Variants in PPP1R13B observed in about 807,000 individuals in gnomAD.
The protein encoded by PPP1R13B is apoptosis-stimulating of p53 protein 1.
PPP1R13B carries 44 observed loss-of-function variants against 119.8 expected under a neutral mutation model. That is an observed-to-expected ratio of 0.37 (90% CI 0.29 to 0.47). The LOEUF is 0.47. Among genes scored for constraint, PPP1R13B ranks in the 20% least tolerant of loss-of-function variants. PPP1R13B has a pLI of 0.99. For synonymous variants in PPP1R13B, 542 were observed against 561.5 expected (o/e 0.97, Z 0.49); for missense variants, 1,227 against 1,413.5 (o/e 0.87, Z 2.12).
chr14:103,809,657 C>T (rs1332466122), intron 1 of PPP1R13B, among the ~76,000 whole-genome samples: 1 of 151,802 alleles, frequency 6.6e-6, no homozygotes, highest in Non-Finnish European at 1.5e-5. Context: ...CCTATCTCTA[C>T]AAAAAGCACA....
chr14:103,846,880 C>T (rs1202918916), intron 1 of PPP1R13B: 5 of 622,624 alleles, frequency 8.0e-6, no homozygotes, highest in African/African-American at 1.9e-5. Flanking sequence ...AATGCGCCTG[C>T]AGAGTGTGGG....
chr14:103,754,439 G>A (rs1216906854), intron 5 of PPP1R13B, among the ~76,000 whole-genome samples, 195 bp from the exon 6 acceptor site: 4 of 151,542 alleles, frequency 2.6e-5, no homozygotes, highest in African/African-American at 9.7e-5. Flanking sequence ...GTGTGCGCCT[G>A]TAGTCCCAGC....
intron 1 of PPP1R13B, among the ~76,000 whole-genome samples, chr14:103,838,736 T>G (rs576227237): frequency 6.6e-6 from 1 of 152,190 alleles, no homozygotes; most frequent in African/African-American, 2.4e-5. Context: ...ATTTACTACA[T>G]GCCAGGCAAC....
intron 2 of PPP1R13B, among the ~76,000 whole-genome samples, chr14:103,791,353 A>C (rs1478066512): frequency 2.6e-5 from 4 of 152,176 alleles, no homozygotes; most frequent in African/African-American, 9.6e-5. Flanking sequence ...TTGAAAATGA[A>C]ATCTGTCTGT....
intron 1 of PPP1R13B, among the ~76,000 whole-genome samples, chr14:103,812,145 T>C (rs1216598902): frequency 1.4e-5 from 2 of 148,092 alleles, no homozygotes; most frequent in East Asian, 2.0e-4. Context: ...TTTTTTTTTT[T>C]TCTAGACAGT....
chr14:103,748,202 T>C (rs1273451873), intron 8 of PPP1R13B, among the ~76,000 whole-genome samples: 2 of 152,196 alleles, frequency 1.3e-5, no homozygotes, highest in African/African-American at 2.4e-5. Flanking sequence ...ACAGGGAAAG[T>C]GCTTGCAGCC....
intron 2 of PPP1R13B, 100 bp downstream of exon 2, chr14:103,797,271 C>T: frequency 8.1e-7 from 1 of 1,238,520 alleles, no homozygotes; most frequent in African/African-American, 1.5e-5. Flanking sequence ...CTTTTTTTCC[C>T]CATCTTTATC....
In PPP1R13B at chr14:103,753,119, G is replaced by C; in HGVS notation, c.709C>G (p.Gln237Glu). Residue 237 changes from glutamine to glutamate, a missense_variant, in exon 7 of 17, where the codon CAG becomes GAG. Gln to Glu is a conservative substitution (Grantham distance 29). Transcript: ENST00000202556. ...EVQTAILRVD[Q>E]LSQQLEDLKK... ...AAATCTTCCAATTGCTGACTAAGCTGATCAACCCTTAAAATTGCAGTCTGT... is the reference window on the plus strand; with the variant it reads ...AAATCTTCCAATTGCTGACTAAGCTCATCAACCCTTAAAATTGCAGTCTGT... 1 of 1,613,838 alleles carries C rather than the reference G, an allele frequency of 6.2e-7. No individual in the cohort carries two copies. The highest frequency in any genetic ancestry group is 8.5e-7 in the Non-Finnish European group (1 of 1,180,036).
Position 103,808,936 on chromosome 14 carries a change from C to T in PPP1R13B, c.10-11418G>A, listed in dbSNP as rs61145742. ...CAGGCTGAGCGCAGCAGCACCAATC[C>T]TAGCTCACTGCACCCTCGAACTCCT... On this transcript the variant is annotated intron_variant, in intron 1 of 16. Transcript: ENST00000202556. Among the ~76,000 whole-genome samples the T allele has an allele frequency of 9.3e-3, 1,420 of 152,152 alleles. 27 individuals carry two copies. Among genetic ancestry groups the T allele is most frequent in the African/African-American group, 0.032 (1,318 of 41,510 alleles).
At chr14:103,834,686 G>A (rs1403445554) in intron 1 of PPP1R13B, among the ~76,000 whole-genome samples, 3 of 150,668 alleles carry the variant, frequency 2.0e-5, no homozygotes, top group Admixed American at 6.6e-5. Context: ...CGCCCTCCGG[G>A]TGCAAGTGAT....
At chr14:103,793,028 C>A (rs915723733) in intron 2 of PPP1R13B, among the ~76,000 whole-genome samples, 2 of 149,822 alleles carry the variant, frequency 1.3e-5, no homozygotes, top group East Asian at 2.0e-4. Flanking sequence ...ACTGAGAATG[C>A]GCCACTGCAC....
intron 2 of PPP1R13B, among the ~76,000 whole-genome samples, chr14:103,790,584 C>T (rs1016619577): frequency 7.9e-5 from 12 of 152,090 alleles, no homozygotes; most frequent in African/African-American, 2.9e-4. Context: ...TGAGGTCAGC[C>T]TGGGCAACAT....
chr14:103,738,877 G>A lies in PPP1R13B; in HGVS notation c.2730+9C>T, dbSNP rs750348970. On this transcript the variant is annotated intron_variant, in intron 13 of 16. Coordinates refer to ENST00000202556, the MANE Select transcript of PPP1R13B (RefSeq NM_015316.3). This position sits in a 1 kb window ranked among gnomAD's most constrained non-coding sequence, Gnocchi z 5.6. Reference sequence around the variant, plus strand: ...CAGCAGCGTGCACTGGTCCCCGGCTGCAGCTCACCTCATAGATGATCCTCT... The same window carrying A: ...CAGCAGCGTGCACTGGTCCCCGGCTACAGCTCACCTCATAGATGATCCTCT... 2 of 1,612,980 alleles carry A rather than the reference G, an allele frequency of 1.2e-6. No individual in the cohort carries two copies. Among genetic ancestry groups the A allele is most frequent in the East Asian group, 2.2e-5 (1 of 44,844 alleles).
chr14:103,749,898 G>A lies in PPP1R13B; in HGVS notation c.865C>T (p.Leu289Phe), dbSNP rs750796663. ...TTTAAGAGTTCCTTCTGCTGCTGAAGTTTTGAATTTTGTTCCTGGTTAAGT... is the reference window on the plus strand; with the variant it reads ...TTTAAGAGTTCCTTCTGCTGCTGAAATTTTGAATTTTGTTCCTGGTTAAGT... ...NQLNQEQNSK[L>F]QQQKELLNKR... The change falls in exon 8 of 17, where the codon CTT (leucine) becomes TTT (phenylalanine). Residue 289 changes from leucine to phenylalanine, a missense_variant. Physicochemically the swap from Leu to Phe is conservative, Grantham distance 22. Coordinates refer to ENST00000202556, the MANE Select transcript of PPP1R13B (RefSeq NM_015316.3). The A allele has an allele frequency of 6.2e-7, 1 of 1,614,054 alleles. No individual in the cohort carries two copies. The highest frequency in any genetic ancestry group is 8.5e-7 in the Non-Finnish European group (1 of 1,179,996).
At chr14:103,839,732 C>T (rs1334413086) in intron 1 of PPP1R13B, among the ~76,000 whole-genome samples, 1 of 152,172 alleles carries the variant, frequency 6.6e-6, no homozygotes, top group South Asian at 2.1e-4. Context: ...ACTTCACCTC[C>T]TCCACTTTCC....
chr14:103,847,134 G>T, intron 1 of PPP1R13B, 165 bp downstream of exon 1: 2 of 980,198 alleles, frequency 2.0e-6, no homozygotes, highest in Non-Finnish European at 2.4e-6. Context: ...GCCCCCACCT[G>T]CCCGCCTGGG....
intron 1 of PPP1R13B, among the ~76,000 whole-genome samples, chr14:103,834,868 C>T (rs898741189): frequency 2.0e-5 from 3 of 152,122 alleles, no homozygotes; most frequent in African/African-American, 7.2e-5. Flanking sequence ...GCTGGGATTA[C>T]AGGCGTGAGC....
intron 4 of PPP1R13B, among the ~76,000 whole-genome samples, chr14:103,771,990 G>A (rs575558035): frequency 6.6e-6 from 1 of 151,968 alleles, no homozygotes; most frequent in Non-Finnish European, 1.5e-5. Flanking sequence ...CTATCTCTTT[G>A]CCCCCCACTC....
Position 103,733,261 on chromosome 14 carries a change from G to A in PPP1R13B, c.*1893C>T, listed in dbSNP as rs2084004259. 2 of 531,406 alleles carry A rather than the reference G, an allele frequency of 3.8e-6. No individual in the cohort carries two copies. Among genetic ancestry groups the A allele is most frequent in the Middle Eastern group, 4.8e-4 (1 of 2,084 alleles). 32.9% of individuals were successfully genotyped at this position (531,406 alleles called of 1,614,324 possible). On this transcript the variant is annotated 3_prime_UTR_variant, in exon 17 of 17. Coordinates refer to ENST00000202556, the MANE Select transcript of PPP1R13B (RefSeq NM_015316.3). Reference sequence around the variant, plus strand: ...TATTGTCAATACTTAATTGGGGGTGGGAGAGACTGAGCTACACTACTGCTA... The same window carrying A: ...TATTGTCAATACTTAATTGGGGGTGAGAGAGACTGAGCTACACTACTGCTA...
Sources: allele counts gnomAD v4.1 joint callset (sites outside exome capture counted in the v4.1 genomes callset), GRCh38; gene constraint gnomAD v4.1.1; non-coding constraint Gnocchi (gnomAD v3.1); transcripts MANE v1.5; gene names NCBI Gene and HGNC (gene_info 2026-07-23, HGNC 2026-07-21).